The following TBC1D9 variants were observed in gnomAD, a reference collection of about 807,000 sequenced individuals.
The protein encoded by TBC1D9 is TBC1 domain family member 9A.
A neutral mutation model predicts 132.0 loss-of-function variants in TBC1D9; 63 were observed. That is an observed-to-expected ratio of 0.48 (90% CI 0.39 to 0.59). The LOEUF (loss-of-function observed/expected upper bound fraction) is 0.59. Ranked by LOEUF, TBC1D9 falls within the 20% of genes least tolerant of loss-of-function variation. TBC1D9 has a pLI of 0.00. For missense variants in TBC1D9, 1,261 were observed against 1,592.7 expected (o/e 0.79, Z 3.54); for synonymous variants, 610 against 609.9 (o/e 1.00, Z 0.00).
intron 19 of TBC1D9, 36 bp downstream of exon 19, chr4:140,624,278 G>T: frequency 6.2e-7 from 1 of 1,611,408 alleles, no homozygotes. Flanking sequence ...TGTACAACCA[G>T]CAAGAAGGTA....
At chr4:140,735,157 T>C (rs1738653066) in intron 1 of TBC1D9, among the ~76,000 whole-genome samples, 2 of 152,208 alleles carry the variant, frequency 1.3e-5, no homozygotes, top group Admixed American at 1.3e-4. Flanking sequence ...ATTTATATTC[T>C]GTTTGAAGGA....
Position 140,622,645 on chromosome 4 carries a change from C to T in TBC1D9, c.3351G>A (p.Leu1117=). 1 of 1,610,982 alleles carries T rather than the reference C, an allele frequency of 6.2e-7. No homozygotes were observed. Among genetic ancestry groups the T allele is most frequent in the Non-Finnish European group, 8.5e-7 (1 of 1,178,162 alleles). Residue 1117 remains leucine, a synonymous_variant, in exon 21 of 21, where the codon CTG becomes CTA. Transcript: ENST00000442267. The part of the protein sequence containing the change: ...VESVEPLPAS[L]APDSEEHSLG... ...GGGAGTGTTCCTCGCTGTCGGGGGC[C>T]AGGCTGGCCGGCAGGGGCTCAACAG...
chr4:140,705,612 T>C (rs1352160638), intron 1 of TBC1D9, among the ~76,000 whole-genome samples: 1 of 151,924 alleles, frequency 6.6e-6, no homozygotes, highest in Non-Finnish European at 1.5e-5. Context: ...GTCAAGACCC[T>C]GGGAAAAAGG....
At chr4:140,712,459 T>TATATATATATATATATATATGC (rs1307852506) in intron 1 of TBC1D9, among the ~76,000 whole-genome samples, 1 of 145,892 alleles carries the variant, frequency 6.9e-6, no homozygotes, top group Admixed American at 6.9e-5. Context: ...AATATATATA[T>TATATATATATATATATATATGC]ATGCCAGGTG....
intron 1 of TBC1D9, among the ~76,000 whole-genome samples, chr4:140,740,696 G>A (rs1738746169): frequency 6.6e-6 from 1 of 152,202 alleles, no homozygotes; most frequent in Non-Finnish European, 1.5e-5. Flanking sequence ...AACAGCCACA[G>A]ATGTGTCTGT....
intron 2 of TBC1D9, among the ~76,000 whole-genome samples, chr4:140,690,347 A>T (rs1737858309): frequency 6.6e-6 from 1 of 151,984 alleles, no homozygotes; most frequent in Non-Finnish European, 1.5e-5. Context: ...CATCATTTCC[A>T]TAATCCCCAC....
chr4:140,644,124 G>C lies in TBC1D9; in HGVS notation c.2338-4696C>G, dbSNP rs556250674. The C allele has an allele frequency of 5.3e-5, 20 of 377,898 alleles. 1 individual carries two copies. Among genetic ancestry groups the C allele is most frequent in the Admixed American group, 3.5e-4 (10 of 28,368 alleles). The allele number at this position is 377,898 out of a possible 1,614,324, so 23.4% of individuals were successfully genotyped here. A position where few individuals can be genotyped will look rare whatever the true frequency, so the allele number is the denominator to read the frequency against. ...CAGGCCATCCGCATCGGCGGCCACT[G>C]TGGGCTGCCCCAGGAAAGGGTAGGG... On this transcript the variant is annotated intron_variant, in intron 13 of 20. Transcript: ENST00000442267.
intron 1 of TBC1D9, among the ~76,000 whole-genome samples, chr4:140,716,817 T>G (rs899556899): frequency 6.6e-6 from 1 of 151,764 alleles, no homozygotes; most frequent in South Asian, 2.1e-4. Flanking sequence ...TGTCTACACC[T>G]AGTTCCTTAA....
Position 140,633,983 on chromosome 4 carries a change from G to T in TBC1D9, c.2711C>A (p.Ser904Tyr). 6.2e-7 allele frequency: 1 copy of T among 1,613,972 alleles called. No homozygotes were observed. The highest frequency in any genetic ancestry group is 1.7e-5 in the Admixed American group (1 of 60,020). ...LFQLLDENGD[S>Y]LINFREFVSG... The stretch of plus-strand genomic sequence containing the variant: ...GACAAACTCCCGGAAGTTAATCAAA[G>T]AGTCTCCATTTTCATCTAATAACTG... Residue 904 changes from serine (S) to tyrosine (Y), a missense_variant, in exon 16 of 21, where the codon TCT becomes TAT. Around this residue, in one of 3 missense-constraint regions of TBC1D9, gnomAD observed 618 missense variants for 724.4 expected, o/e 0.85. Coordinates refer to ENST00000442267, the MANE Select transcript of TBC1D9 (RefSeq NM_015130.3).
chr4:140,715,403 C>T (rs1738319418), intron 1 of TBC1D9, among the ~76,000 whole-genome samples: 2 of 152,166 alleles, frequency 1.3e-5, no homozygotes, highest in Admixed American at 1.3e-4. Flanking sequence ...TTCAGACTGG[C>T]TGCAGTTTGC....
chr4:140,737,414 C>T (rs1290769294), intron 1 of TBC1D9, among the ~76,000 whole-genome samples: 1 of 150,138 alleles, frequency 6.7e-6, no homozygotes, highest in African/African-American at 2.5e-5. Context: ...GCCTGAATAG[C>T]TCTCTCTCCC....
At position 140,639,138 on chromosome 4, in the gene TBC1D9, G is replaced by C; in HGVS notation, c.2453C>G (p.Thr818Arg). The change falls in exon 15 of 21, where the codon ACA (threonine) becomes AGA (arginine). Residue 818 changes from threonine (T) to arginine (R), a missense_variant. Thr to Arg is a moderately conservative substitution (Grantham distance 71, BLOSUM62 -1). Transcript: ENST00000442267. ...CTCATCAATGGTAAAGGAAGTTTCT[G>C]TCACAATGGTTCGTACCTATAAAAA... Reference protein sequence around the residue: ...TKRNVVRTIVTETSFTIDELE... With the variant: ...TKRNVVRTIVRETSFTIDELE... 6.3e-7 allele frequency: 1 copy of C among 1,585,126 alleles called. No individual in the cohort carries two copies. Among genetic ancestry groups the C allele is most frequent in the East Asian group, 2.3e-5 (1 of 44,110 alleles).
intron 15 of TBC1D9, among the ~76,000 whole-genome samples, chr4:140,635,699 G>A (rs1736868999): frequency 6.6e-6 from 1 of 152,184 alleles, no homozygotes. Flanking sequence ...GTAGGGAAGA[G>A]AGGAGGAAGG....
rs1291515242 is a variant in TBC1D9, at chr4:140,620,911, C to T, written c.*1284G>A. 6.6e-6 allele frequency: 1 copy of T among 152,442 alleles called. No individual in the cohort carries two copies. The highest frequency in any genetic ancestry group is 1.5e-5 in the Non-Finnish European group (1 of 67,980). The allele number at this position is 152,442 out of a possible 1,614,324, so 9.4% of individuals were successfully genotyped here. ...ACAGCAGCAATAGCTAAAAAAAGGA[C>T]ACAATGTATAATAAAATAAAGGAAT... On this transcript the variant is annotated 3_prime_UTR_variant, in exon 21 of 21. Coordinates refer to ENST00000442267, the MANE Select transcript of TBC1D9 (RefSeq NM_015130.3).
At chr4:140,699,973 T>C (rs1379816263) in intron 2 of TBC1D9, among the ~76,000 whole-genome samples, 3 of 152,012 alleles carry the variant, frequency 2.0e-5, no homozygotes, top group African/African-American at 7.2e-5. Flanking sequence ...TTTCTTATGG[T>C]TATTTTAAAA....
chr4:140,729,106 C>T (rs1738546367), intron 1 of TBC1D9, among the ~76,000 whole-genome samples: 1 of 152,078 alleles, frequency 6.6e-6, no homozygotes, highest in South Asian at 2.1e-4. Flanking sequence ...TTGGATTTTC[C>T]CTCTGTCATG....
At position 140,706,119 on chromosome 4, in the gene TBC1D9, C is replaced by G. The variant is rs1315166175; in HGVS notation, c.131-4505G>C. Reference sequence around the variant, plus strand: ...AGGTCCACAGTGCTGCAGAGAAACCCCCGTCAGCCCTCTGCAGGCCGGGCT... The same window carrying G: ...AGGTCCACAGTGCTGCAGAGAAACCGCCGTCAGCCCTCTGCAGGCCGGGCT... On this transcript the variant is annotated intron_variant, in intron 1 of 20. Transcript: ENST00000442267. This position sits in a 1 kb window ranked among gnomAD's most constrained non-coding sequence, Gnocchi z 4.0. Among the ~76,000 whole-genome samples, 4 of 152,210 alleles carry G rather than the reference C, an allele frequency of 2.6e-5. No individual in the cohort carries two copies. The highest frequency in any genetic ancestry group is 5.9e-5 in the Non-Finnish European group (4 of 68,040).
intron 1 of TBC1D9, among the ~76,000 whole-genome samples, chr4:140,736,454 T>G (rs540132627): frequency 6.6e-6 from 1 of 152,118 alleles, no homozygotes; most frequent in South Asian, 2.1e-4. Flanking sequence ...GACAGGAGAA[T>G]TGCTTGAACC....
At chr4:140,683,660 C>A (rs1737739299) in intron 3 of TBC1D9, among the ~76,000 whole-genome samples, 1 of 152,250 alleles carries the variant, frequency 6.6e-6, no homozygotes, top group South Asian at 2.1e-4. Flanking sequence ...ATATTCAACC[C>A]CATAATAACC....
Sources: gnomAD v4.1 joint callset for allele counts (sites outside exome capture counted in the v4.1 genomes callset) on GRCh38, gnomAD v4.1.1 for gene constraint, gnomAD v4.1.1 regional missense constraint, Gnocchi (gnomAD v3.1) non-coding constraint, MANE v1.5 for transcripts, NCBI Gene and HGNC (gene_info 2026-07-23, HGNC 2026-07-21) for gene names.